The following PLA2R1 variants were observed in gnomAD, a reference collection of about 807,000 sequenced individuals.
PLA2R1 encodes phospholipase A2 receptor 1.
PLA2R1 carries 158 observed loss-of-function variants against 195.9 expected under a neutral mutation model. The ratio of observed to expected loss-of-function variants is 0.81; its 90% CI spans 0.71 to 0.92. The LOEUF (loss-of-function observed/expected upper bound fraction) is 0.92, where lower values mean the gene tolerates loss of function less well. PLA2R1 is among the 40% of genes least tolerant of loss of function. The probability of loss-of-function intolerance (pLI) is 0.00; values close to 1 mark genes in which losing one functional copy is unlikely to be tolerated. For synonymous variants in PLA2R1, 586 were observed against 598.2 expected, an observed-to-expected ratio of 0.98 and a Z score of 0.30; for missense variants, 1,626 against 1,764.6, an observed-to-expected ratio of 0.92 and a Z score of 1.41.
rs1368347839 is a variant in PLA2R1, at chr2:160,028,296, A to T, written c.1021T>A (p.Trp341Arg). ...GTFSSFMPSA[W>R]RSRDCESTLP... is the part of the protein sequence containing the mutation. ...GTGGACTCACAATCCCGACTCCTCC[A>T]GGCACTTGGCATAAATGAACTAAAT... Residue 341 changes from tryptophan to arginine, a missense_variant, in exon 6 of 30, where the codon TGG becomes AGG. Coordinates refer to ENST00000283243, the MANE Select transcript of PLA2R1 (RefSeq NM_007366.5). 2 of 1,605,492 alleles carry T rather than the reference A, an allele frequency of 1.2e-6. No homozygotes were observed. The highest frequency in any genetic ancestry group is 3.4e-5 in the Admixed American group (2 of 59,664).
intron 1 of PLA2R1, among the ~76,000 whole-genome samples, chr2:160,051,915 G>C (rs1371074280): frequency 6.6e-6 from 1 of 152,110 alleles, no homozygotes; most frequent in African/African-American, 2.4e-5. Flanking sequence ...TGAAACTTTT[G>C]AGTTCCTGTC....
intron 7 of PLA2R1, 145 bp downstream of exon 7, chr2:160,022,520 C>A: frequency 4.6e-6 from 2 of 432,192 alleles, no homozygotes; most frequent in Non-Finnish European, 8.1e-6. Context: ...TAAATTTGAA[C>A]TCCTGAATAA....
chr2:159,955,082 TGACACTGTTAGCCAG>T (rs1175107877), intron 23 of PLA2R1, 102 bp downstream of exon 23: 1 of 725,338 alleles, frequency 1.4e-6, no homozygotes, highest in African/African-American at 1.8e-5. Context: ...AAGAAGTGCC[TGACACTGTTAGCCAG>T]GAAACTGTTA....
intron 1 of PLA2R1, among the ~76,000 whole-genome samples, chr2:160,061,047 T>A (rs1428288763): frequency 6.6e-6 from 1 of 152,186 alleles, no homozygotes; most frequent in Non-Finnish European, 1.5e-5. Flanking sequence ...GGAAACACAG[T>A]CTAGAAAAGA....
intron 11 of PLA2R1, among the ~76,000 whole-genome samples, chr2:160,004,200 C>T (rs1573871865): frequency 6.6e-6 from 1 of 152,302 alleles, no homozygotes; most frequent in Non-Finnish European, 1.5e-5. Context: ...ATTTACCATC[C>T]AAGCCAGAAA....
intron 26 of PLA2R1, 59 bp downstream of exon 26, chr2:159,947,360 T>C: frequency 7.0e-7 from 1 of 1,430,686 alleles, no homozygotes; most frequent in South Asian, 1.3e-5. Context: ...TCCACATTGT[T>C]TACTGAAATG....
intron 1 of PLA2R1, among the ~76,000 whole-genome samples, chr2:160,059,401 T>C (rs979542564): frequency 2.6e-5 from 4 of 152,106 alleles, no homozygotes; most frequent in African/African-American, 9.7e-5. Flanking sequence ...AATGTCTGGA[T>C]TGGCCAGAGG....
Position 159,976,688 on chromosome 2 carries a change from A to T in PLA2R1, c.2434T>A (p.Tyr812Asn). The T allele has an allele frequency of 6.3e-7, 1 of 1,593,660 alleles. No homozygotes were observed. Among genetic ancestry groups the T allele is most frequent in the Non-Finnish European group, 8.6e-7 (1 of 1,161,364 alleles). The change falls in exon 16 of 30, where the codon TAC (tyrosine) becomes AAC (asparagine). Residue 812 changes from tyrosine (Y) to asparagine (N), a missense_variant. Physicochemically the swap from Tyr to Asn is moderately radical, Grantham distance 143. Coordinates refer to ENST00000283243, the MANE Select transcript of PLA2R1 (RefSeq NM_007366.5). ...GAGCTGCCAGAGTCATTCTTACCGT[A>T]CTGGTACCAGAACGGAATCTTGGGT... ...VKPKIPFWYQ[Y>N]DVPWLFYQDA...
At chr2:160,060,494 G>C (rs570158640) in intron 1 of PLA2R1, among the ~76,000 whole-genome samples, 1 of 152,360 alleles carries the variant, frequency 6.6e-6, no homozygotes, top group Admixed American at 6.5e-5. Context: ...GCCTGTGCCT[G>C]TGCGAGGAAT....
At chr2:159,961,549 A>AT (rs898728753) in intron 20 of PLA2R1, among the ~76,000 whole-genome samples, 5 of 151,922 alleles carry the variant, frequency 3.3e-5, no homozygotes, top group East Asian at 1.9e-4. Context: ...GTTATCAATA[A>AT]TTTTTTTTTA....
chr2:159,937,705 T>A lies in PLA2R1; in HGVS notation c.*4073A>T, dbSNP rs1686898480. ...GCAGTGGATGAGATAAATTTTCAAATGAAAGTAGCACTCCAGCTGTTCCAC... is the reference window on the plus strand; with the variant it reads ...GCAGTGGATGAGATAAATTTTCAAAAGAAAGTAGCACTCCAGCTGTTCCAC... On this transcript the variant is annotated 3_prime_UTR_variant, in exon 30 of 30. Coordinates refer to ENST00000283243, the MANE Select transcript of PLA2R1 (RefSeq NM_007366.5). 1 of 152,234 alleles carries A rather than the reference T, an allele frequency of 6.6e-6. No individual in the cohort carries two copies. Among genetic ancestry groups the A allele is most frequent in the Non-Finnish European group, 1.5e-5 (1 of 68,048 alleles). The allele number at this position is 152,234 out of a possible 1,614,324, so 9.4% of individuals were successfully genotyped here. A position where few individuals can be genotyped will look rare whatever the true frequency, so the allele number is the denominator to read the frequency against.
intron 6 of PLA2R1, among the ~76,000 whole-genome samples, chr2:160,026,353 G>C (rs886837563): frequency 6.6e-6 from 1 of 152,128 alleles, no homozygotes; most frequent in Admixed American, 6.6e-5. Flanking sequence ...TTTATACATA[G>C]TATGTGGGTA....
intron 17 of PLA2R1, among the ~76,000 whole-genome samples, chr2:159,972,621 T>C (rs1689265702): frequency 6.6e-6 from 1 of 152,218 alleles, no homozygotes. Context: ...AGATTTGATA[T>C]GTATTTTGAG....
downstream of PLA2R1, among the ~76,000 whole-genome samples, chr2:159,930,266 G>A (rs1686557198): frequency 6.6e-6 from 1 of 152,170 alleles, no homozygotes; most frequent in Admixed American, 6.5e-5. Context: ...AAATTAGCCA[G>A]GCATGGTGGC....
chr2:160,001,753 G>A (rs1417372940), intron 11 of PLA2R1, among the ~76,000 whole-genome samples: 1 of 151,888 alleles, frequency 6.6e-6, no homozygotes, highest in African/African-American at 2.4e-5. Context: ...TGACACCACA[G>A]GTGGGATATC....
intron 1 of PLA2R1, among the ~76,000 whole-genome samples, chr2:160,048,334 A>T (rs562902917): frequency 6.6e-6 from 1 of 152,336 alleles, no homozygotes; most frequent in South Asian, 2.1e-4. Context: ...GCTTTAGAAA[A>T]GTTCTTCAGA....
At chr2:159,945,933 A>T (rs1000951006) in intron 27 of PLA2R1, 97 of 884,276 alleles carry the variant, frequency 1.1e-4, no homozygotes, top group Non-Finnish European at 1.3e-4. Context: ...ATCGATTTAA[A>T]GAAATCATTT....
chr2:160,048,958 A>G (rs899037264), intron 1 of PLA2R1, among the ~76,000 whole-genome samples: 2 of 146,920 alleles, frequency 1.4e-5, no homozygotes, highest in East Asian at 4.0e-4. Flanking sequence ...CTCCTGCCTC[A>G]GCCTCCCAAG....
At chr2:159,956,291 A>C (rs1245093079) in intron 21 of PLA2R1, among the ~76,000 whole-genome samples, 3 of 152,222 alleles carry the variant, frequency 2.0e-5, no homozygotes, top group African/African-American at 7.2e-5. Context: ...GGTGAGAGAC[A>C]AGGCTCCAAA....
Sources: gnomAD v4.1 joint callset for allele counts (sites outside exome capture counted in the v4.1 genomes callset) on GRCh38, gnomAD v4.1.1 for gene constraint, MANE v1.5 for transcripts, NCBI Gene and HGNC (gene_info 2026-07-23, HGNC 2026-07-21) for gene names.